SUCLA2: variants seen among roughly 807,000 people sequenced by gnomAD.
SUCLA2 encodes the protein succinate--CoA ligase [ADP-forming] subunit beta, mitochondrial.
In SUCLA2, 30 loss-of-function variants were observed where a neutral mutation model predicts 54.8. The observed-to-expected ratio is 0.55, with a 90% CI of 0.41 to 0.74. SUCLA2 has a LOEUF of 0.74. Among genes scored for constraint, SUCLA2 ranks in the 30% least tolerant of loss-of-function variants. The probability of loss-of-function intolerance (pLI) is 0.00; values close to 1 mark genes in which losing one functional copy is unlikely to be tolerated. For synonymous variants in SUCLA2, 172 were observed against 188.9 expected, an observed-to-expected ratio of 0.91 and a Z score of 0.74; for missense variants, 476 against 562.9, an observed-to-expected ratio of 0.85 and a Z score of 1.56.
At chr13:47,970,553 T>A (rs1949954993) in intron 5 of SUCLA2, among the ~76,000 whole-genome samples, 1 of 152,138 alleles carries the variant, frequency 6.6e-6, no homozygotes, top group Non-Finnish European at 1.5e-5. Context: ...TCCTTAAAAC[T>A]TTGTGCCGGT....
At chr13:47,999,203 T>C (rs951023702) in intron 1 of SUCLA2, among the ~76,000 whole-genome samples, 1 of 69,582 alleles carries the variant, frequency 1.4e-5, no homozygotes. Context: ...CTAATGTCTA[T>C]AAAGAACACT....
At chr13:47,999,502 TC>T (rs1278348748) in intron 1 of SUCLA2, among the ~76,000 whole-genome samples, 14 of 151,960 alleles carry the variant, frequency 9.2e-5, no homozygotes, top group Non-Finnish European at 1.9e-4. Flanking sequence ...GGTCAGGAGA[TC>T]GAGACCGTCC....
At chr13:47,994,910 A>C (rs1331269458) in intron 2 of SUCLA2, 1 of 954,896 alleles carries the variant, frequency 1.0e-6, no homozygotes, top group African/African-American at 1.8e-5. Flanking sequence ...AGAATCATTA[A>C]GTTTTTATAA....
intron 5 of SUCLA2, chr13:47,971,947 TATC>T (rs1949969586): frequency 2.5e-6 from 1 of 398,206 alleles, no homozygotes; most frequent in South Asian, 1.3e-4. Context: ...CTATGAGACT[TATC>T]AGTCAACAAC....
At chr13:47,983,642 G>A (rs1333860896) in intron 4 of SUCLA2, among the ~76,000 whole-genome samples, 3 of 151,812 alleles carry the variant, frequency 2.0e-5, no homozygotes, top group Non-Finnish European at 2.9e-5. Context: ...GGCGCCTGCC[G>A]CCACGCCTGG....
intron 6 of SUCLA2, among the ~76,000 whole-genome samples, chr13:47,959,013 G>A (rs758106933): frequency 3.2e-4 from 48 of 152,100 alleles, no homozygotes; most frequent in Admixed American, 6.5e-4. Flanking sequence ...TTGTGATATA[G>A]GGAAATACGT....
At chr13:47,999,477 G>A (rs1950212985) in intron 1 of SUCLA2, among the ~76,000 whole-genome samples, 1 of 152,110 alleles carries the variant, frequency 6.6e-6, no homozygotes, top group Non-Finnish European at 1.5e-5. Context: ...GGAGGCCGAG[G>A]CGGGAGGATC....
At chr13:47,957,477 TGA>T (rs1163733179) in intron 6 of SUCLA2, among the ~76,000 whole-genome samples, 3 of 152,096 alleles carry the variant, frequency 2.0e-5, no homozygotes, top group Admixed American at 1.3e-4. Context: ...TGGCTGAAGG[TGA>T]GTGTCAGTCT....
At chr13:47,986,971 A>T (rs781120402) in intron 4 of SUCLA2, among the ~76,000 whole-genome samples, 2 of 152,226 alleles carry the variant, frequency 1.3e-5, no homozygotes, top group South Asian at 4.1e-4. Flanking sequence ...TACCCCAAAA[A>T]GTAACACCAA....
rs1950123892 is a variant in SUCLA2 at position 47,988,574 on chromosome 13, G to A, written c.501C>T (p.Tyr167=). ...ACCTTTCCATTGTTATTGCAAAGTA[G>A]TATTCTCTCCTGGGATATTTTCGCT... is the stretch of plus-strand genomic sequence containing the variant. ...VCERKYPRRE[Y]YFAITMERSF... The change falls in exon 4 of 11, where the codon TAC becomes TAT. Residue 167 remains tyrosine (Y), a synonymous_variant. Transcript: ENST00000646932. 6.2e-7 allele frequency: 1 copy of A among 1,613,760 alleles called. No individual in the cohort carries two copies. Among genetic ancestry groups the A allele is most frequent in the Non-Finnish European group, 8.5e-7 (1 of 1,179,934 alleles).
chr13:47,994,963 T>C, intron 2 of SUCLA2: 1 of 611,066 alleles, frequency 1.6e-6, no homozygotes, highest in Non-Finnish European at 2.1e-6. Flanking sequence ...ATCCTATTCA[T>C]TTTATGAAAA....
At chr13:47,991,005 G>A (rs1950145505) in intron 2 of SUCLA2, among the ~76,000 whole-genome samples, 1 of 152,116 alleles carries the variant, frequency 6.6e-6, no homozygotes, top group African/African-American at 2.4e-5. Flanking sequence ...CTTCCATTCA[G>A]CCAGGAAATC....
intron 5 of SUCLA2, among the ~76,000 whole-genome samples, chr13:47,969,864 G>A (rs1280410829): frequency 6.6e-6 from 1 of 152,136 alleles, no homozygotes; most frequent in African/African-American, 2.4e-5. Context: ...CACTTTGGGA[G>A]GACAAAGAGG....
chr13:47,992,260 A>G (rs1193299839), intron 2 of SUCLA2, among the ~76,000 whole-genome samples: 1 of 152,102 alleles, frequency 6.6e-6, no homozygotes, highest in Non-Finnish European at 1.5e-5. Context: ...AACACTTGGC[A>G]AGACAGAAGG....
chr13:47,988,281 T>C (rs1258881872), intron 4 of SUCLA2: 2 of 528,570 alleles, frequency 3.8e-6, no homozygotes, highest in African/African-American at 3.9e-5. Flanking sequence ...CTGCTTTTAG[T>C]GAATTAACAA....
chr13:47,998,234 AC>A (rs1950204246), intron 1 of SUCLA2, among the ~76,000 whole-genome samples: 1 of 151,064 alleles, frequency 6.6e-6, no homozygotes, highest in African/African-American at 2.4e-5. Flanking sequence ...CTGTGATTTC[AC>A]CACTGTCCTC....
At chr13:47,949,875 T>C (rs1949762604) in intron 8 of SUCLA2, among the ~76,000 whole-genome samples, 1 of 152,188 alleles carries the variant, frequency 6.6e-6, no homozygotes, top group African/African-American at 2.4e-5. Flanking sequence ...CTAATTCCAT[T>C]TACTTTCTCT....
intron 10 of SUCLA2, 114 bp downstream of exon 10, chr13:47,948,826 T>C: frequency 9.9e-7 from 1 of 1,008,416 alleles, no homozygotes; most frequent in Non-Finnish European, 1.6e-6. Context: ...TCTTTAACCA[T>C]TCATTACACT....
intron 4 of SUCLA2, among the ~76,000 whole-genome samples, chr13:47,985,723 A>G (rs1169049742): frequency 6.6e-6 from 1 of 152,122 alleles, no homozygotes; most frequent in African/African-American, 2.4e-5. Context: ...TTTATAACAG[A>G]ATGATTTATA....
Sources: gnomAD v4.1 joint callset for allele counts (sites outside exome capture counted in the v4.1 genomes callset) on GRCh38, gnomAD v4.1.1 for gene constraint, MANE v1.5 for transcripts, NCBI Gene and HGNC (gene_info 2026-07-23, HGNC 2026-07-21) for gene names.